NBPF14: variants seen among roughly 807,000 people sequenced by gnomAD.
NBPF14 encodes NBPF family member NBPF14.
In NBPF14, 104 loss-of-function variants were observed where a neutral mutation model predicts 91.2. The observed-to-expected ratio is 1.14, with a 90% CI of 0.97 to 1.34. The LOEUF (loss-of-function observed/expected upper bound fraction) is 1.34. Ranked by LOEUF, NBPF14 falls within the 40% of genes most tolerant of loss-of-function variation. The probability of loss-of-function intolerance (pLI) is 0.00; values close to 1 mark genes in which losing one functional copy is unlikely to be tolerated. For synonymous variants in NBPF14, 294 were observed against 303.8 expected, an observed-to-expected ratio of 0.97 and a Z score of 0.34; for missense variants, 908 against 783.0, an observed-to-expected ratio of 1.16 and a Z score of -1.91.
At chr1:148,560,081 T>C in intron 36 of NBPF14, 116 bp from the exon 37 acceptor site, 4 of 678,052 alleles carry the variant, frequency 5.9e-6, no homozygotes, top group Non-Finnish European at 1.1e-5. Context: ...GACAGATCCA[T>C]TAATGAGGTA....
At chr1:148,577,530 G>A (rs1269535820) in intron 14 of NBPF14, among the ~76,000 whole-genome samples, 175 bp from the exon 15 acceptor site, 7 of 143,842 alleles carry the variant, frequency 4.9e-5, no homozygotes, top group Non-Finnish European at 9.0e-5. Flanking sequence ...GGTAGAAAAG[G>A]ATGAACGAGA....
rs1375001353 is a variant in NBPF14, at chr1:148,592,716, C to T, written c.329G>A (p.Arg110Lys). ...ATCTCTCCCTTCCCGTAACTTCTCCCTTAGCTGGGTCAGCTCTCGTTCCTG... is the reference window on the plus strand; with the variant it reads ...ATCTCTCCCTTCCCGTAACTTCTCCTTTAGCTGGGTCAGCTCTCGTTCCTG... The change falls in exon 4 of 71, where the codon AGG becomes AAG. Residue 110 changes from arginine to lysine, a missense_variant. Physicochemically the swap from Arg to Lys is conservative, Grantham distance 26. Coordinates refer to ENST00000619423, the Ensembl canonical transcript of NBPF14. 28 of 1,586,612 alleles carry T rather than the reference C, an allele frequency of 1.8e-5. No homozygotes were observed. In the East Asian group the frequency reaches 2.0e-4, roughly 11 times the overall value.
intron 3 of NBPF14, among the ~76,000 whole-genome samples, chr1:148,593,040 A>C (rs1281774761): frequency 6.8e-6 from 1 of 146,394 alleles, no homozygotes; most frequent in Non-Finnish European, 1.5e-5. Context: ...ATTCCGTTTC[A>C]AAAAGACATC....
intron 69 of NBPF14, among the ~76,000 whole-genome samples, 191 bp downstream of exon 69, chr1:148,534,492 TC>T (rs1454487749): frequency 1.3e-5 from 2 of 151,252 alleles, no homozygotes; most frequent in Non-Finnish European, 1.5e-5. Context: ...AGGAAGAGAG[TC>T]TTGCTCACTG....
At position 148,575,794 on chromosome 1, in the gene NBPF14, AG is replaced by A. The variant is rs1659582539; in HGVS notation, c.2095del (p.Leu699TrpfsTer29). The A allele has an allele frequency of 3.3e-6, 1 of 303,928 alleles. No individual in the cohort carries two copies. The highest frequency in any genetic ancestry group is 5.6e-6 in the Non-Finnish European group (1 of 177,108). 18.8% of individuals were successfully genotyped at this position (303,928 alleles called of 1,614,324 possible). ...CAAGACTTCAGGCTCTTTCTCATCC[AG>A]CAGCTCCCTGCTGAGCCTGGAAAAG... On this transcript the variant is annotated frameshift_variant, in exon 17 of 71. Coordinates refer to ENST00000619423, the Ensembl canonical transcript of NBPF14. LOFTEE classifies it high-confidence loss of function.
At chr1:148,534,721 C>A in exon 69 of NBPF14, 1 of 838,772 alleles carries the variant, frequency 1.2e-6, no homozygotes, top group Non-Finnish European at 2.1e-6. Context: ...ACTGTTCCTC[C>A]AATGAGTAAA....
At chr1:148,535,939 A>G (rs1342020788) in intron 67 of NBPF14, among the ~76,000 whole-genome samples, 2 of 150,508 alleles carry the variant, frequency 1.3e-5, no homozygotes, top group Non-Finnish European at 3.0e-5. Flanking sequence ...TTGAGACAAA[A>G]TCAGAGTTGT....
chr1:148,576,284 G>T (rs1448638645), intron 16 of NBPF14, 126 bp downstream of exon 16: 1 of 540,778 alleles, frequency 1.8e-6, no homozygotes, highest in Non-Finnish European at 3.2e-6. Flanking sequence ...AAAACCAACA[G>T]CAATGTCAGT....
intron 25 of NBPF14, 31 bp downstream of exon 25, chr1:148,569,224 A>G: frequency 3.3e-6 from 1 of 306,768 alleles, no homozygotes; most frequent in Non-Finnish European, 5.4e-6. Flanking sequence ...GACTCAGTGG[A>G]TCCTTATCAC....
At chr1:148,561,954 G>A (rs1657892451) in intron 34 of NBPF14, among the ~76,000 whole-genome samples, 2 of 96,980 alleles carry the variant, frequency 2.1e-5, no homozygotes, top group African/African-American at 1.4e-4. Flanking sequence ...AAAAGACTGT[G>A]CTCAATAATT....
intron 37 of NBPF14, among the ~76,000 whole-genome samples, chr1:148,559,527 G>C (rs1277384820): frequency 8.2e-6 from 1 of 122,582 alleles, no homozygotes; most frequent in Non-Finnish European, 1.6e-5. Flanking sequence ...GTGTGAATTT[G>C]TCACATCTGC....
At position 148,571,296 on chromosome 1, in the gene NBPF14, G is replaced by A. The variant is rs1257845333; in HGVS notation, c.2811-259C>T. On this transcript the variant is annotated intron_variant, in intron 22 of 70. Coordinates refer to ENST00000619423, the Ensembl canonical transcript of NBPF14. ...ACACAGAGAGAGAGAGAGAGAGAAC[G>A]AGCTCAGTGAATTGTCCAGGTGACA... 5.3e-3 allele frequency among the ~76,000 whole-genome samples: 441 copies of A among 82,970 alleles called. 1 individual carries two copies. The highest frequency in any genetic ancestry group is 0.033 in the African/African-American group (417 of 12,516). 54.4% of individuals were successfully genotyped at this position (82,970 alleles called of 152,430 possible). A position where few individuals can be genotyped will look rare whatever the true frequency, so the allele number is the denominator to read the frequency against.
intron 70 of NBPF14, among the ~76,000 whole-genome samples, 168 bp from the exon 71 acceptor site, chr1:148,533,416 C>T (rs1553331385): frequency 3.3e-5 from 5 of 149,460 alleles, no homozygotes. Context: ...TAGAACAGGG[C>T]CAGGTAGAAA....
At chr1:148,576,004 G>A (rs1225012394) in intron 16 of NBPF14, among the ~76,000 whole-genome samples, 193 bp from the exon 17 acceptor site, 1 of 146,332 alleles carries the variant, frequency 6.8e-6, no homozygotes, top group African/African-American at 2.6e-5. Flanking sequence ...AGAAAGACAG[G>A]GAGAGGGAGA....
At chr1:148,577,575 C>A (rs1450636532) in intron 14 of NBPF14, among the ~76,000 whole-genome samples, 2 of 150,218 alleles carry the variant, frequency 1.3e-5, no homozygotes, top group Non-Finnish European at 2.9e-5. Context: ...CACACACACA[C>A]ACTCACACAC....
At chr1:148,594,449 TAC>T (rs1662992855) in intron 2 of NBPF14, among the ~76,000 whole-genome samples, 1 of 87,674 alleles carries the variant, frequency 1.1e-5, no homozygotes, top group Non-Finnish European at 2.1e-5. Context: ...TGCAGCAATT[TAC>T]AGAGGTAGGT....
chr1:148,565,805 T>A (rs1415837938), intron 29 of NBPF14, among the ~76,000 whole-genome samples: 1 of 14,792 alleles, frequency 6.8e-5, no homozygotes, highest in East Asian at 2.5e-3. Flanking sequence ...TGTGAGGACA[T>A]TAGACACTGA....
chr1:148,593,425 G>C (rs1444792043), intron 3 of NBPF14, among the ~76,000 whole-genome samples, 173 bp downstream of exon 3: 1,677 of 146,872 alleles, frequency 0.011, 42 homozygotes, highest in African/African-American at 0.039. Flanking sequence ...AACTGCAACA[G>C]AGAACTTATT....
chr1:148,535,906 T>C (rs1655084624), intron 67 of NBPF14, among the ~76,000 whole-genome samples: 2 of 150,350 alleles, frequency 1.3e-5, no homozygotes, highest in Non-Finnish European at 1.5e-5. Flanking sequence ...GAGTGAAGGA[T>C]GAAATCTACA....
Sources: allele counts gnomAD v4.1 joint callset (sites outside exome capture counted in the v4.1 genomes callset), GRCh38; gene constraint gnomAD v4.1.1; transcripts MANE v1.5; gene names NCBI Gene and HGNC (gene_info 2026-07-23, HGNC 2026-07-21).